MDFIC2: variants seen among roughly 807,000 people sequenced by gnomAD.
MDFIC2 encodes the protein myoD family inhibitor domain-containing protein 2.
At chr3:70,252,673 C>A (rs2106653181) in intron 2 of MDFIC2, among the ~76,000 whole-genome samples, 1 of 152,256 alleles carries the variant, frequency 6.6e-6, no homozygotes, top group African/African-American at 2.4e-5. Context: ...CATTCAGGCA[C>A]TGTATTGCCC....
intron 2 of MDFIC2, among the ~76,000 whole-genome samples, chr3:70,255,941 G>T (rs151000139): frequency 1.2e-4 from 18 of 152,266 alleles, no homozygotes; most frequent in African/African-American, 4.1e-4. Context: ...GGGAGAATTG[G>T]TAAACTTTTT....
At chr3:70,233,491 A>C (rs1701580408) in intron 2 of MDFIC2, among the ~76,000 whole-genome samples, 1 of 152,216 alleles carries the variant, frequency 6.6e-6, no homozygotes, top group Admixed American at 6.5e-5. Context: ...TTATAGATTT[A>C]AGATATATTA....
intron 2 of MDFIC2, among the ~76,000 whole-genome samples, chr3:70,209,024 A>G (rs1276297676): frequency 6.6e-6 from 1 of 152,098 alleles, no homozygotes; most frequent in African/African-American, 2.4e-5. Flanking sequence ...GGCTTCCTCT[A>G]ACCCAAGAGG....
intron 2 of MDFIC2, among the ~76,000 whole-genome samples, chr3:70,246,702 A>G (rs2106646773): frequency 6.6e-6 from 1 of 152,084 alleles, no homozygotes; most frequent in South Asian, 2.1e-4. Context: ...AATTATGGGC[A>G]CTCTATATTT....
At chr3:70,214,894 G>T (rs1363457510) in intron 2 of MDFIC2, among the ~76,000 whole-genome samples, 1 of 152,022 alleles carries the variant, frequency 6.6e-6, no homozygotes, top group Non-Finnish European at 1.5e-5. Flanking sequence ...GAAAAAAATA[G>T]TTAGCAGTTT....
chr3:70,294,865 A>G (rs1702274808), intron 2 of MDFIC2, among the ~76,000 whole-genome samples: 1 of 152,146 alleles, frequency 6.6e-6, no homozygotes, highest in Admixed American at 6.6e-5. Flanking sequence ...GGTATCCAAA[A>G]TAGGAGACTA....
At chr3:70,207,447 G>A (rs909645443) in intron 2 of MDFIC2, among the ~76,000 whole-genome samples, 3 of 152,000 alleles carry the variant, frequency 2.0e-5, no homozygotes, top group African/African-American at 7.2e-5. Context: ...AGCTAGAGAT[G>A]TTCAGGGAAT....
chr3:70,234,896 G>T (rs534275840), intron 2 of MDFIC2, among the ~76,000 whole-genome samples: 9 of 152,206 alleles, frequency 5.9e-5, no homozygotes, highest in African/African-American at 2.2e-4. Flanking sequence ...TTTAAACGCT[G>T]CCTTGGACAT....
At position 70,292,564 on chromosome 3, in the gene MDFIC2, G is replaced by T. The variant is rs755704866; in HGVS notation, c.88+19322C>A. On this transcript the variant is annotated intron_variant, in intron 2 of 3. Coordinates refer to ENST00000567252, the MANE Select transcript of MDFIC2 (RefSeq NM_001364677.1). ...TTAAAAAAGGATAGTTTATAAACTT[G>T]TAAGTATTTTTTATGCCAAACTATT... is the stretch of plus-strand genomic sequence containing the variant. Among the ~76,000 whole-genome samples, 12 of 152,082 alleles carry T rather than the reference G, an allele frequency of 7.9e-5. 1 individual carries two copies. The highest frequency in any genetic ancestry group is 2.9e-5 in the Non-Finnish European group (2 of 67,980).
chr3:70,233,286 C>G (rs979746915), intron 2 of MDFIC2, among the ~76,000 whole-genome samples: 6 of 151,854 alleles, frequency 4.0e-5, no homozygotes, highest in Non-Finnish European at 4.4e-5. Flanking sequence ...AGTGGGTGGC[C>G]CTGGTGATGT....
intron 2 of MDFIC2, among the ~76,000 whole-genome samples, chr3:70,272,760 C>T (rs376908002): frequency 2.0e-5 from 3 of 152,114 alleles, no homozygotes; most frequent in Non-Finnish European, 4.4e-5. Context: ...CTCTAAATTC[C>T]CCTTGCTTTC....
intron 2 of MDFIC2, among the ~76,000 whole-genome samples, chr3:70,216,684 GA>G (rs1266749907): frequency 6.6e-6 from 1 of 152,108 alleles, no homozygotes; most frequent in Non-Finnish European, 1.5e-5. Flanking sequence ...AAAGCTTATT[GA>G]AAAACATACT....
At chr3:70,232,791 T>C (rs1701572964) in intron 2 of MDFIC2, among the ~76,000 whole-genome samples, 1 of 152,174 alleles carries the variant, frequency 6.6e-6, no homozygotes, top group Non-Finnish European at 1.5e-5. Context: ...GACTTCTTAC[T>C]GGGTTGGAGA....
chr3:70,262,622 G>A (rs1488287711), intron 2 of MDFIC2, among the ~76,000 whole-genome samples: 2 of 152,070 alleles, frequency 1.3e-5, no homozygotes, highest in African/African-American at 4.8e-5. Flanking sequence ...ATTCTGCTAG[G>A]TTCAAAGCAA....
chr3:70,200,097 C>T lies in MDFIC2; in HGVS notation c.311-2912G>A, dbSNP rs143115858. 3.1e-3 allele frequency among the ~76,000 whole-genome samples: 476 copies of T among 152,246 alleles called. 7 individuals carry two copies. Among genetic ancestry groups the T allele is most frequent in the African/African-American group, 0.011 (458 of 41,570 alleles). Reference sequence around the variant, plus strand: ...CCATGCAATTCATTGCTGAGTCCTGCTGTTTCCACCTCAAATTCGTATTCG... The same window carrying T: ...CCATGCAATTCATTGCTGAGTCCTGTTGTTTCCACCTCAAATTCGTATTCG... On this transcript the variant is annotated intron_variant, in intron 3 of 3. Coordinates refer to ENST00000567252, the MANE Select transcript of MDFIC2 (RefSeq NM_001364677.1).
intron 2 of MDFIC2, among the ~76,000 whole-genome samples, chr3:70,210,715 T>C (rs1701334785): frequency 1.3e-5 from 2 of 152,052 alleles, no homozygotes; most frequent in Admixed American, 6.6e-5. Context: ...TTAGAGAAAA[T>C]AATTTTTACC....
intron 2 of MDFIC2, among the ~76,000 whole-genome samples, chr3:70,219,830 C>G (rs1576159733): frequency 6.6e-6 from 1 of 152,174 alleles, no homozygotes; most frequent in Admixed American, 6.5e-5. Flanking sequence ...ATGCCAAACT[C>G]AAAGGTCAGA....
chr3:70,286,176 C>G lies in MDFIC2; in HGVS notation c.88+25710G>C, dbSNP rs572076214. Among the ~76,000 whole-genome samples the G allele has an allele frequency of 6.6e-5, 10 of 152,134 alleles. No homozygotes were observed. The East Asian group carries it at 7.7e-4, about 12-fold the overall frequency. On this transcript the variant is annotated intron_variant, in intron 2 of 3. Transcript: ENST00000567252. ...GGTAATGCCTAGGTTTTCTTCTAGG[C>G]TTTTTATGGTTTTAGGTCTAAAGTT...
intron 2 of MDFIC2, among the ~76,000 whole-genome samples, chr3:70,242,997 A>G (rs1053702480): frequency 1.3e-5 from 2 of 152,240 alleles, no homozygotes; most frequent in African/African-American, 4.8e-5. Flanking sequence ...TCCCAAGAGC[A>G]GAACGATATA....
Sources: allele counts gnomAD v4.1 joint callset (sites outside exome capture counted in the v4.1 genomes callset), GRCh38; gene constraint gnomAD v4.1.1; transcripts MANE v1.5; gene names NCBI Gene and HGNC (gene_info 2026-07-23, HGNC 2026-07-21).